Variants in CEP83 observed in about 807,000 individuals in gnomAD.
CEP83 encodes the protein centrosomal protein 83.
In CEP83, 70 loss-of-function variants were observed where a neutral mutation model predicts 101.9. The observed-to-expected ratio is 0.69, with a 90% CI of 0.57 to 0.84. The LOEUF (loss-of-function observed/expected upper bound fraction) is 0.84, where lower values mean the gene tolerates loss of function less well. Ranked by LOEUF, CEP83 falls within the 40% of genes least tolerant of loss-of-function variation. The probability of loss-of-function intolerance (pLI) is 0.00; values close to 1 mark genes in which losing one functional copy is unlikely to be tolerated. For synonymous variants in CEP83, 264 were observed against 267.9 expected (o/e 0.99, Z 0.14); for missense variants, 715 against 787.2 (o/e 0.91, Z 1.10).
At chr12:94,324,154 T>A (rs1398596033) in intron 14 of CEP83, among the ~76,000 whole-genome samples, 3 of 152,222 alleles carry the variant, frequency 2.0e-5, no homozygotes, top group African/African-American at 7.2e-5. Context: ...ATCTCATAAG[T>A]GGAGATGTGT....
intron 1 of CEP83, among the ~76,000 whole-genome samples, chr12:94,452,622 C>T (rs2067340889): frequency 6.6e-6 from 1 of 152,074 alleles, no homozygotes; most frequent in Admixed American, 6.5e-5. Flanking sequence ...CTAAGGGACA[C>T]AGGACATGTT....
At chr12:94,299,360 G>C in the CEP83 span, among the ~76,000 whole-genome samples, 8 of 152,170 alleles carry the variant, frequency 5.3e-5, no homozygotes, top group Non-Finnish European at 5.9e-5. Context: ...TTGAAATGCT[G>C]TGTGCATGGG....
the CEP83 span, among the ~76,000 whole-genome samples, chr12:94,275,775 A>T: frequency 1.1e-5 from 1 of 94,304 alleles, no homozygotes; most frequent in Non-Finnish European, 2.2e-5. Context: ...GAATGGCGTG[A>T]ACCCGGGAGG....
chr12:94,447,788 ATTAAG>A (rs779487216), intron 1 of CEP83, among the ~76,000 whole-genome samples: 5 of 152,134 alleles, frequency 3.3e-5, no homozygotes, highest in Non-Finnish European at 7.4e-5. Context: ...GGAGACTGTA[ATTAAG>A]TTAAAAGGCA....
chr12:94,313,491 T>C (rs1970178638), intron 14 of CEP83, among the ~76,000 whole-genome samples: 1 of 134,184 alleles, frequency 7.5e-6, no homozygotes, highest in African/African-American at 2.9e-5. Flanking sequence ...GCTATGACTG[T>C]GCCACTCCAC....
chr12:94,445,238 T>G (rs2066710271), intron 1 of CEP83, among the ~76,000 whole-genome samples: 2 of 151,824 alleles, frequency 1.3e-5, no homozygotes, highest in Admixed American at 6.6e-5. Context: ...GATAGTCTTT[T>G]CAACAAATGG....
the CEP83 span, chr12:94,298,671 A>C: frequency 6.2e-7 from 1 of 1,609,918 alleles, no homozygotes; most frequent in Non-Finnish European, 8.5e-7. Flanking sequence ...TTTTAGAAGC[A>C]TTTGGAGTTT....
At chr12:94,293,866 CTCT>C in the CEP83 span, among the ~76,000 whole-genome samples, 5 of 152,148 alleles carry the variant, frequency 3.3e-5, no homozygotes, top group Non-Finnish European at 4.4e-5. Context: ...AAGGATCCTC[CTCT>C]TCTTCCTCCC....
chr12:94,404,829 C>T (rs1006500722), intron 4 of CEP83, among the ~76,000 whole-genome samples: 1 of 151,906 alleles, frequency 6.6e-6, no homozygotes, highest in Non-Finnish European at 1.5e-5. Flanking sequence ...ACTTATGTAC[C>T]CTTCCTAAAA....
At chr12:94,392,103 T>C (rs1053487203) in intron 6 of CEP83, among the ~76,000 whole-genome samples, 12 of 152,162 alleles carry the variant, frequency 7.9e-5, no homozygotes. Flanking sequence ...TTAACAAAGA[T>C]ATACAGGACT....
intron 11 of CEP83, among the ~76,000 whole-genome samples, chr12:94,340,325 CCA>C (rs770881678): frequency 1.8e-4 from 28 of 152,188 alleles, no homozygotes; most frequent in Admixed American, 1.8e-3. Flanking sequence ...TTCACCCACT[CCA>C]CACAGAGACA....
intron 14 of CEP83, among the ~76,000 whole-genome samples, chr12:94,329,237 T>A (rs1046927825): frequency 6.6e-6 from 1 of 152,208 alleles, no homozygotes; most frequent in African/African-American, 2.4e-5. Flanking sequence ...AATGAAATGT[T>A]ACTTTGTAGT....
In CEP83 at chr12:94,395,989, A is replaced by G. The variant is rs548538753; in HGVS notation, c.549+4861T>C. ...CAGTGACCTGTCATTATGGACTGTCACTTTGATGGTTTTTCACAGGATGTA... is the reference window on the plus strand; with the variant it reads ...CAGTGACCTGTCATTATGGACTGTCGCTTTGATGGTTTTTCACAGGATGTA... On this transcript the variant is annotated intron_variant, in intron 6 of 16. Coordinates refer to ENST00000397809, the MANE Select transcript of CEP83 (RefSeq NM_016122.3). 1.5e-4 allele frequency among the ~76,000 whole-genome samples: 23 copies of G among 152,200 alleles called. No homozygotes were observed. The East Asian group carries it at 4.3e-3, about 28-fold the overall frequency.
At position 94,411,851 on chromosome 12, in the gene CEP83, G is replaced by T. The variant is rs2063902538; in HGVS notation, c.174-4C>A. The T allele has an allele frequency of 6.2e-7, 1 of 1,603,910 alleles. No individual in the cohort carries two copies. The highest frequency in any genetic ancestry group is 8.5e-7 in the Non-Finnish European group (1 of 1,176,010). On this transcript the variant is annotated splice_polypyrimidine_tract_variant and splice_region_variant and intron_variant, in intron 3 of 16. Transcript: ENST00000397809. ...CTTTACATGTTCATTCTGCAACCTG[G>T]TTTTTTTTAAAGAGAATTCAATTTT...
At chr12:94,393,845 G>A (rs2062718769) in intron 6 of CEP83, among the ~76,000 whole-genome samples, 1 of 152,170 alleles carries the variant, frequency 6.6e-6, no homozygotes, top group Non-Finnish European at 1.5e-5. Flanking sequence ...CAAACAGAGA[G>A]CCAAATCATG....
intron 11 of CEP83, among the ~76,000 whole-genome samples, chr12:94,338,703 T>A (rs1299346541): frequency 6.6e-6 from 1 of 151,998 alleles, no homozygotes; most frequent in Non-Finnish European, 1.5e-5. Context: ...GAAGGATGAG[T>A]AAGTTGGGGG....
chr12:94,443,548 A>C (rs2066577077), intron 1 of CEP83, among the ~76,000 whole-genome samples: 1 of 152,120 alleles, frequency 6.6e-6, no homozygotes. Context: ...GCTAGAGTAC[A>C]ATGGCGCAAT....
intron 11 of CEP83, among the ~76,000 whole-genome samples, chr12:94,365,864 A>T (rs1415757457): frequency 6.6e-6 from 1 of 152,110 alleles, no homozygotes. Context: ...GTGGAGTGCT[A>T]TGCAGCCATA....
intron 11 of CEP83, among the ~76,000 whole-genome samples, chr12:94,345,298 A>T (rs2059880248): frequency 6.6e-6 from 1 of 152,230 alleles, no homozygotes; most frequent in South Asian, 2.1e-4. Context: ...ATATTGGTTT[A>T]CATATACATA....
Sources: gnomAD v4.1 joint callset for allele counts (sites outside exome capture counted in the v4.1 genomes callset) on GRCh38, gnomAD v4.1.1 for gene constraint, MANE v1.5 for transcripts, NCBI Gene and HGNC (gene_info 2026-07-23, HGNC 2026-07-21) for gene names.